The following MYH3 variants were observed in gnomAD, a reference collection of about 807,000 sequenced individuals.
The protein encoded by MYH3 is myosin heavy chain 3, also known as myosin-3.
A neutral mutation model predicts 238.0 loss-of-function variants in MYH3; 130 were observed. The observed-to-expected ratio is 0.55, with a 90% CI of 0.47 to 0.63. MYH3 has a LOEUF of 0.63. Among genes scored for constraint, MYH3 ranks in the 30% least tolerant of loss-of-function variants. The pLI is 0.00. For missense variants in MYH3, 1,853 were observed against 2,374.9 expected (o/e 0.78, Z 4.57); for synonymous variants, 880 against 924.1 (o/e 0.95, Z 0.86).
rs2142408715 is a variant in MYH3, at chr17:10,644,717, A to T, written c.1142-15T>A. On this transcript the variant is annotated splice_polypyrimidine_tract_variant and intron_variant, in intron 12 of 40. Transcript: ENST00000583535. ...TTTGTCAGCCACTGGCAAGAAAACA[A>T]GGACAGTGCTTAGAAAAGTAGAAGA... is the stretch of plus-strand genomic sequence containing the variant. 6.3e-7 allele frequency: 1 copy of T among 1,576,432 alleles called. No individual in the cohort carries two copies. The highest frequency in any genetic ancestry group is 8.7e-7 in the Non-Finnish European group (1 of 1,146,156).
rs2074279693 is a variant in MYH3, at chr17:10,642,240, C to G, written c.1959G>C (p.Arg653Ser). 6.2e-7 allele frequency: 1 copy of G among 1,613,304 alleles called. No homozygotes were observed. The highest frequency in any genetic ancestry group is 8.5e-7 in the Non-Finnish European group (1 of 1,179,458). The change falls in exon 17 of 41, where the codon AGG becomes AGC. Residue 653 changes from arginine (R) to serine (S), a missense_variant and splice_region_variant. Arg to Ser is a moderately radical substitution (Grantham distance 110). Around this residue, in one of 3 missense-constraint regions of MYH3, gnomAD observed 678 missense variants for 1,058.9 expected, o/e 0.64. Coordinates refer to ENST00000583535, the MANE Select transcript of MYH3 (RefSeq NM_002470.4). This position sits in a 1 kb window ranked among gnomAD's most constrained non-coding sequence, Gnocchi z 5.4. ...SSFQTVSALF[R>S]ENLNKLMSNL... ...GCAAATAAACTTGTATTTTTCTTAC[C>G]CTGAAAAGGGCAGAGACAGTTTGGA...
the MYH3 span, chr17:10,675,012 G>C: frequency 6.6e-6 from 1 of 152,200 alleles, no homozygotes; most frequent in African/African-American, 2.4e-5. Context: ...CTCCCCTTCA[G>C]TTTGCTCCTC....
In MYH3 at chr17:10,638,382, G is replaced by C. The variant is rs368557407; in HGVS notation, c.3390C>G (p.Arg1130=). ...EEEIEAERAT[R]AKTEKQRSDY... The stretch of plus-strand genomic sequence containing the variant: ...CGCTGCGCTGTTTCTCTGTCTTCGC[G>C]CGGGTGGCCCTCTCCGCCTCTATCT... Residue 1130 remains arginine (R), a synonymous_variant, in exon 27 of 41, where the codon CGC becomes CGG. Transcript: ENST00000583535. 6.2e-7 allele frequency: 1 copy of C among 1,603,444 alleles called. No individual in the cohort carries two copies. The highest frequency in any genetic ancestry group is 8.5e-7 in the Non-Finnish European group (1 of 1,179,952).
intron 4 of MYH3, chr17:10,651,978 T>C (rs1285907169): frequency 1.0e-5 from 4 of 398,722 alleles, no homozygotes; most frequent in African/African-American, 4.1e-5. Flanking sequence ...CTTGACCTCA[T>C]GATCCACCCG....
In MYH3 at chr17:10,635,128, T is replaced by C. The variant is rs755504982; in HGVS notation, c.4173-105A>G. ...CTAATCTATGTGATTCAGACACCCATGTGTTTTTATACGCCCAGGAGAATT... is the reference window on the plus strand; with the variant it reads ...CTAATCTATGTGATTCAGACACCCACGTGTTTTTATACGCCCAGGAGAATT... On this transcript the variant is annotated intron_variant, in intron 30 of 40. Transcript: ENST00000583535. 7 of 1,389,300 alleles carry C rather than the reference T, an allele frequency of 5.0e-6. No homozygotes were observed. In the African/African-American group the frequency reaches 1.0e-4, roughly 20 times the overall value. The allele number at this position is 1,389,300 out of a possible 1,614,324, so 86.1% of individuals were successfully genotyped here. A position where few individuals can be genotyped will look rare whatever the true frequency, so the allele number is the denominator to read the frequency against.
the MYH3 span, among the ~76,000 whole-genome samples, chr17:10,666,782 A>T: frequency 6.6e-6 from 1 of 152,024 alleles, no homozygotes; most frequent in Non-Finnish European, 1.5e-5. Flanking sequence ...AAACTAAAAG[A>T]CGTGATAAAA....
At chr17:10,646,718 T>C (rs1179305762) in intron 10 of MYH3, among the ~76,000 whole-genome samples, 1 of 152,178 alleles carries the variant, frequency 6.6e-6, no homozygotes, top group Non-Finnish European at 1.5e-5. Flanking sequence ...CAAATTGGCA[T>C]GTCACTGCCC....
intron 19 of MYH3, 46 bp from the exon 20 acceptor site, chr17:10,640,732 C>T (rs752323837): frequency 1.2e-6 from 2 of 1,604,324 alleles, no homozygotes; most frequent in South Asian, 1.1e-5. Context: ...GGCAAAGACA[C>T]AAACCTTGGA....
chr17:10,648,494 C>G, intron 8 of MYH3, 63 bp downstream of exon 8: 3 of 1,358,028 alleles, frequency 2.2e-6, no homozygotes, highest in East Asian at 2.3e-5. Flanking sequence ...TCTTTGAGGA[C>G]AGGGCTCTTG....
chr17:10,641,037 T>C, intron 19 of MYH3, 48 bp downstream of exon 19: 1 of 1,369,010 alleles, frequency 7.3e-7, no homozygotes, highest in Non-Finnish European at 1.0e-6. Context: ...CAAATTCCAG[T>C]GTTCGTACAT....
chr17:10,676,996 C>T, the MYH3 span: 5 of 152,140 alleles, frequency 3.3e-5, no homozygotes, highest in East Asian at 9.6e-4. Flanking sequence ...TAATATAACC[C>T]CTAACTGGTA....
At chr17:10,637,082 A>G (rs1197571677) in intron 28 of MYH3, among the ~76,000 whole-genome samples, 1 of 148,390 alleles carries the variant, frequency 6.7e-6, no homozygotes, top group South Asian at 2.1e-4. Flanking sequence ...TTTTTGAGAC[A>G]GAGTTTCATT....
chr17:10,628,587 T>G lies in MYH3; in HGVS notation c.*66A>C, dbSNP rs2074116443. 1.9e-6 allele frequency: 3 copies of G among 1,548,508 alleles called. No individual in the cohort carries two copies. In the Admixed American group the frequency reaches 5.0e-5, roughly 26 times the overall value. On this transcript the variant is annotated 3_prime_UTR_variant, in exon 41 of 41. Transcript: ENST00000583535. ...AAAAGAGTCACATGGACATTAAGTA[T>G]CAATGGTCAGGAATCAAGAAAATAT...
In MYH3 at chr17:10,638,267, C is replaced by T. The variant is rs2074235201; in HGVS notation, c.3505G>A (p.Glu1169Lys). ...STQIELNKKR[E>K]AEFLKLRRDL... Reference sequence around the variant, plus strand: ...CTGCGCAGCTTCAGGAACTCCGCCTCCCGCTTCTTGTTGAGCTCTATCTGC... The same window carrying T: ...CTGCGCAGCTTCAGGAACTCCGCCTTCCGCTTCTTGTTGAGCTCTATCTGC... The change falls in exon 27 of 41, where the codon GAG becomes AAG. Residue 1169 changes from glutamate (E) to lysine (K), a missense_variant. Glu to Lys is a moderately conservative substitution (Grantham distance 56). Coordinates refer to ENST00000583535, the MANE Select transcript of MYH3 (RefSeq NM_002470.4). 2.5e-6 allele frequency: 4 copies of T among 1,613,920 alleles called. No homozygotes were observed. The highest frequency in any genetic ancestry group is 1.6e-4 in the Middle Eastern group (1 of 6,062).
rs367838235 is a variant in MYH3 at position 10,654,151 on chromosome 17, CTCTTTCTT to C, written c.204+702_204+709del. ...TCTCTTTTATTTTCTTTCTTTCTTT[CTCTTTCTT>C]TCTTTCCTTCCTTCCTTGCTTTCTT... On this transcript the variant is annotated intron_variant, in intron 3 of 40. Transcript: ENST00000583535. This position sits in a 1 kb window ranked among gnomAD's most constrained non-coding sequence, Gnocchi z 4.5. 1.5e-3 allele frequency among the ~76,000 whole-genome samples: 221 copies of C among 148,834 alleles called. 1 individual carries two copies. Among genetic ancestry groups the C allele is most frequent in the African/African-American group, 5.2e-3 (212 of 40,504 alleles).
In MYH3 at chr17:10,640,262, G is replaced by T; in HGVS notation, c.2427-11C>A. ...CAGAAGATGGACTCCCTAAAAACAA[G>T]ACATTGCTTATTTCTGAGAGAGACT... On this transcript the variant is annotated splice_polypyrimidine_tract_variant and intron_variant, in intron 21 of 40. Transcript: ENST00000583535. The T allele has an allele frequency of 6.2e-7, 1 of 1,614,192 alleles. No homozygotes were observed. Among genetic ancestry groups the T allele is most frequent in the Non-Finnish European group, 8.5e-7 (1 of 1,180,044 alleles).
intron 30 of MYH3, 102 bp downstream of exon 30, chr17:10,635,265 C>T (rs1283933132): frequency 8.2e-6 from 13 of 1,582,188 alleles, no homozygotes; most frequent in Admixed American, 3.4e-5. Context: ...GGCCCAGCAC[C>T]GCATTTAAAG....
chr17:10,647,877 C>G (rs1597490742), intron 8 of MYH3, among the ~76,000 whole-genome samples: 1 of 149,722 alleles, frequency 6.7e-6, no homozygotes, highest in South Asian at 2.2e-4. Flanking sequence ...TGTCCTTCCT[C>G]TTCTCCCTTC....
rs2074299702 is a variant in MYH3 at position 10,644,252 on chromosome 17, A to G, written c.1410+99T>C. Reference sequence around the variant, plus strand: ...CTCTCCATCTAGTTTCTTACAGGAAACTAAGACAGCCGCCATCTTGCTATC... The same window carrying G: ...CTCTCCATCTAGTTTCTTACAGGAAGCTAAGACAGCCGCCATCTTGCTATC... On this transcript the variant is annotated intron_variant, in intron 14 of 40. Transcript: ENST00000583535. The G allele has an allele frequency of 7.6e-6, 10 of 1,309,876 alleles. No individual in the cohort carries two copies. In the South Asian group the frequency reaches 1.1e-4, roughly 14 times the overall value. 81.1% of individuals were successfully genotyped at this position (1,309,876 alleles called of 1,614,324 possible).
Sources: allele counts gnomAD v4.1 joint callset (sites outside exome capture counted in the v4.1 genomes callset), GRCh38; gene constraint gnomAD v4.1.1; regional missense constraint gnomAD v4.1.1; non-coding constraint Gnocchi (gnomAD v3.1); transcripts MANE v1.5; gene names NCBI Gene and HGNC (gene_info 2026-07-23, HGNC 2026-07-21).